The following CELSR1 variants were observed in gnomAD, a reference collection of about 807,000 sequenced individuals.
CELSR1 encodes the protein cadherin EGF LAG seven-pass G-type receptor 1.
In CELSR1, 110 loss-of-function variants were observed where a neutral mutation model predicts 249.1. The observed-to-expected ratio is 0.44, with a 90% CI of 0.38 to 0.52. The LOEUF is 0.52. Among genes scored for constraint, CELSR1 ranks in the 20% least tolerant of loss-of-function variants. The pLI is 0.00. For missense variants in CELSR1, 4,109 were observed against 4,296.4 expected, an observed-to-expected ratio of 0.96 and a Z score of 1.22; for synonymous variants, 2,113 against 1,900.0, an observed-to-expected ratio of 1.11 and a Z score of -2.92.
At chr22:46,475,515 G>A (rs1229349500) in intron 1 of CELSR1, among the ~76,000 whole-genome samples, 1 of 152,118 alleles carries the variant, frequency 6.6e-6, no homozygotes, top group Non-Finnish European at 1.5e-5. Context: ...TCTAGTTTGG[G>A]AAGATGAGGA....
rs917903391 is a variant in CELSR1 at position 46,413,700 on chromosome 22, A to G, written c.4612-1941T>C. Among the ~76,000 whole-genome samples the G allele has an allele frequency of 6.6e-6, 1 of 152,212 alleles. No individual in the cohort carries two copies. Among genetic ancestry groups the G allele is most frequent in the African/African-American group, 2.4e-5 (1 of 41,456 alleles). On this transcript the variant is annotated intron_variant, in intron 5 of 34. Transcript: ENST00000674500. This position sits in a 1 kb window ranked among gnomAD's most constrained non-coding sequence, Gnocchi z 4.7. ...CAAGGTCTGATAAGCTGTCTCCTTA[A>G]AGACTCCACTTTTGGTTAAGCAACA... is the stretch of plus-strand genomic sequence containing the variant.
rs148500684 is a variant in CELSR1, at chr22:46,454,363, G to A, written c.4183+9344C>T. ...ACAGGAGACTCGTGCAGGGGTGAGC[G>A]AGCGTGCCCAGCCCTGCTGTCACGG... On this transcript the variant is annotated intron_variant, in intron 2 of 34. Coordinates refer to ENST00000674500, the MANE Select transcript of CELSR1 (RefSeq NM_001378328.1). This position sits in a 1 kb window ranked among gnomAD's most constrained non-coding sequence, Gnocchi z 5.1. 6.6e-6 allele frequency among the ~76,000 whole-genome samples: 1 copy of A among 152,190 alleles called. No homozygotes were observed. Among genetic ancestry groups the A allele is most frequent in the Admixed American group, 6.5e-5 (1 of 15,282 alleles).
chr22:46,536,922 C>A lies in CELSR1; in HGVS notation c.249G>T (p.Gly83=). The A allele has an allele frequency of 8.5e-7, 1 of 1,175,646 alleles. No homozygotes were observed. Among genetic ancestry groups the A allele is most frequent in the Non-Finnish European group, 1.1e-6 (1 of 952,280 alleles). The allele number at this position is 1,175,646 out of a possible 1,614,324, so 72.8% of individuals were successfully genotyped here. A position where few individuals can be genotyped will look rare whatever the true frequency, so the allele number is the denominator to read the frequency against. ...LAGRRRVSGA[G]RPLPLQVRLV... Reference sequence around the variant, plus strand: ...AGCGGACTTGCAGCGGCAGCGGGCGCCCCGCGCCCGAGACGCGCCGACGTC... The same window carrying A: ...AGCGGACTTGCAGCGGCAGCGGGCGACCCGCGCCCGAGACGCGCCGACGTC... Residue 83 remains glycine, a synonymous_variant, in exon 1 of 35, where the codon GGG becomes GGT. Transcript: ENST00000674500.
At chr22:46,525,079 G>A (rs778232036) in intron 1 of CELSR1, among the ~76,000 whole-genome samples, 4 of 152,210 alleles carry the variant, frequency 2.6e-5, no homozygotes, top group African/African-American at 7.2e-5. Context: ...CTGGCCTCTG[G>A]ACCCTCATGG....
At chr22:46,367,151 G>A (rs1245987590) in intron 28 of CELSR1, 33 bp from the exon 29 acceptor site, 3 of 1,601,804 alleles carry the variant, frequency 1.9e-6, no homozygotes, top group Non-Finnish European at 2.6e-6. Flanking sequence ...AGCACCTGCT[G>A]CTGCCTCCCT....
chr22:46,424,693 C>A (rs1232875003), intron 5 of CELSR1, among the ~76,000 whole-genome samples: 1 of 152,174 alleles, frequency 6.6e-6, no homozygotes, highest in African/African-American at 2.4e-5. Context: ...GTCATAAATG[C>A]CAGGTGCAGT....
At chr22:46,387,518 A>G (rs28535154) in intron 18 of CELSR1, among the ~76,000 whole-genome samples, 18,303 of 151,256 alleles carry the variant, frequency 0.12, 1,819 homozygotes, top group African/African-American at 0.27. Flanking sequence ...CACCCCGCCC[A>G]GCTGATTTTT....
rs1602032135 is a variant in CELSR1 at position 46,371,742 on chromosome 22, C to T, written c.7759+1141G>A. ...ACCCACCCATCCATCCACTCACTCA[C>T]CTCTCCATCCGTCCATCCACCTATT... On this transcript the variant is annotated intron_variant, in intron 25 of 34. Coordinates refer to ENST00000674500, the MANE Select transcript of CELSR1 (RefSeq NM_001378328.1). Among the ~76,000 whole-genome samples the T allele has an allele frequency of 2.0e-5, 3 of 150,582 alleles. No homozygotes were observed. The South Asian group carries it at 6.4e-4, about 32-fold the overall frequency.
intron 25 of CELSR1, 108 bp downstream of exon 25, chr22:46,372,775 A>G: frequency 1.4e-6 from 2 of 1,380,182 alleles, no homozygotes; most frequent in Non-Finnish European, 2.0e-6. Flanking sequence ...TGGGGGCTGG[A>G]CAAGCATTGG....
rs1456775598 is a variant in CELSR1 at position 46,363,963 on chromosome 22, G to A, written c.9035+33C>T. ...CTGACTCAGGACAAGGGGGAAGTGG[G>A]TGATCCCCGCCCTGGAGGCCCAGGC... On this transcript the variant is annotated intron_variant, in intron 34 of 34. Transcript: ENST00000674500. This position sits in a 1 kb window ranked among gnomAD's most constrained non-coding sequence, Gnocchi z 4.3. 3 of 1,547,738 alleles carry A rather than the reference G, an allele frequency of 1.9e-6. No individual in the cohort carries two copies. The highest frequency in any genetic ancestry group is 2.6e-6 in the Non-Finnish European group (3 of 1,148,404).
In CELSR1 at chr22:46,393,051, TG is replaced by T. The variant is rs369367581; in HGVS notation, c.5964+1090del. Among the ~76,000 whole-genome samples the T allele has an allele frequency of 2.0e-5, 3 of 151,710 alleles. No individual in the cohort carries two copies. The highest frequency in any genetic ancestry group is 4.8e-5 in the African/African-American group (2 of 41,322). ...TTGCTGTTGGAACCACCGCAGGCAC[TG>T]GGGGGGGACACTACTGACATCACGA... On this transcript the variant is annotated intron_variant, in intron 14 of 34. Transcript: ENST00000674500. The surrounding 1 kb of genome is among the most constrained non-coding windows in gnomAD (Gnocchi z 4.1).
chr22:46,408,007 G>A lies in CELSR1; in HGVS notation c.5226+989C>T, dbSNP rs1170985491. On this transcript the variant is annotated intron_variant, in intron 9 of 34. Coordinates refer to ENST00000674500, the MANE Select transcript of CELSR1 (RefSeq NM_001378328.1). This position sits in a 1 kb window ranked among gnomAD's most constrained non-coding sequence, Gnocchi z 4.6. ...GGTCCCCATGGCTGCCTCATGCGGC[G>A]GAGGTTGTGGCAGAAGGGCAGCCCG... Among the ~76,000 whole-genome samples, 1 of 152,208 alleles carries A rather than the reference G, an allele frequency of 6.6e-6. No homozygotes were observed. Among genetic ancestry groups the A allele is most frequent in the Non-Finnish European group, 1.5e-5 (1 of 68,028 alleles).
At position 46,440,610 on chromosome 22, in the gene CELSR1, T is replaced by C. The variant is rs962717199; in HGVS notation, c.4184-1199A>G. 6.6e-6 allele frequency among the ~76,000 whole-genome samples: 1 copy of C among 152,200 alleles called. No individual in the cohort carries two copies. Among genetic ancestry groups the C allele is most frequent in the Non-Finnish European group, 1.5e-5 (1 of 68,044 alleles). On this transcript the variant is annotated intron_variant, in intron 2 of 34. Transcript: ENST00000674500. This position sits in a 1 kb window ranked among gnomAD's most constrained non-coding sequence, Gnocchi z 4.7. ...GCATCTTTTCCTGTTTTATTGACAA[T>C]TGACACTCTCTTTCCTAGAAGCTGC...
At chr22:46,455,386 C>CGCCCGCTGCACTTCA (rs2079936359) in intron 2 of CELSR1, among the ~76,000 whole-genome samples, 2 of 152,152 alleles carry the variant, frequency 1.3e-5, no homozygotes, top group Admixed American at 6.6e-5. Context: ...CCTGCCACCG[C>CGCCCGCTGCACTTCA]GCCTGGCTAA....
At position 46,447,613 on chromosome 22, in the gene CELSR1, C is replaced by T. The variant is rs1246629309; in HGVS notation, c.4184-8202G>A. ...CCCGTAGGAGGGACGCAGGGCTCAG[C>T]TTCCTGGCTATAGTACAGAAAAGCT... is the stretch of plus-strand genomic sequence containing the variant. On this transcript the variant is annotated intron_variant, in intron 2 of 34. Coordinates refer to ENST00000674500, the MANE Select transcript of CELSR1 (RefSeq NM_001378328.1). The surrounding 1 kb of genome is among the most constrained non-coding windows in gnomAD (Gnocchi z 4.7). Among the ~76,000 whole-genome samples the T allele has an allele frequency of 1.3e-5, 2 of 152,200 alleles. No homozygotes were observed. Among genetic ancestry groups the T allele is most frequent in the Non-Finnish European group, 2.9e-5 (2 of 68,036 alleles).
At chr22:46,495,018 A>G (rs1378858406) in intron 1 of CELSR1, among the ~76,000 whole-genome samples, 5 of 152,244 alleles carry the variant, frequency 3.3e-5, no homozygotes, top group East Asian at 3.8e-4. Flanking sequence ...AGATGACTTC[A>G]TCGTTGGGTG....
In CELSR1 at chr22:46,534,498, C is replaced by G; in HGVS notation, c.2673G>C (p.Gln891His). The G allele has an allele frequency of 6.2e-7, 1 of 1,613,362 alleles. No homozygotes were observed. Among genetic ancestry groups the G allele is most frequent in the South Asian group, 1.1e-5 (1 of 91,080 alleles). The part of the protein sequence containing the change: ...LILDANDNAP[Q>H]FLWDFYQGSI... The stretch of plus-strand genomic sequence containing the variant: ...AACCCTGGTAGAAATCCCACAGGAA[C>G]TGGGGTGCATTGTCATTGGCATCGA... The change falls in exon 1 of 35, where the codon CAG (glutamine) becomes CAC (histidine). Residue 891 changes from glutamine to histidine, a missense_variant. Around this residue, in one of 7 missense-constraint regions of CELSR1, gnomAD observed 886 missense variants for 896.5 expected, o/e 0.99. Coordinates refer to ENST00000674500, the MANE Select transcript of CELSR1 (RefSeq NM_001378328.1). The surrounding 1 kb of genome is among the most constrained non-coding windows in gnomAD (Gnocchi z 9.7).
rs60967722 is a variant in CELSR1, at chr22:46,372,352, C to T, written c.7759+531G>A. Among the ~76,000 whole-genome samples the T allele has an allele frequency of 2.5e-3, 353 of 140,984 alleles. 6 individuals carry two copies. The highest frequency in any genetic ancestry group is 8.9e-3 in the African/African-American group (327 of 36,906). The allele number at this position is 140,984 out of a possible 152,430, so 92.5% of individuals were successfully genotyped here. On this transcript the variant is annotated intron_variant, in intron 25 of 34. Coordinates refer to ENST00000674500, the MANE Select transcript of CELSR1 (RefSeq NM_001378328.1). Reference sequence around the variant, plus strand: ...CTCACCCCATCTATCCATCCACTCGCTCCCCACCCATCCATCCATCCACTC... The same window carrying T: ...CTCACCCCATCTATCCATCCACTCGTTCCCCACCCATCCATCCATCCACTC...
rs923477879 is a variant in CELSR1, at chr22:46,428,952, C to T, written c.4611+4441G>A. Among the ~76,000 whole-genome samples the T allele has an allele frequency of 2.0e-5, 3 of 152,148 alleles. No individual in the cohort carries two copies. The highest frequency in any genetic ancestry group is 7.2e-5 in the African/African-American group (3 of 41,432). On this transcript the variant is annotated intron_variant, in intron 5 of 34. Coordinates refer to ENST00000674500, the MANE Select transcript of CELSR1 (RefSeq NM_001378328.1). This position sits in a 1 kb window ranked among gnomAD's most constrained non-coding sequence, Gnocchi z 5.7. ...AGAAGATGCCCAGGTCAGGTGGACA[C>T]GAGCCACCCTTGCTTCCCCAGGGCC... is the stretch of plus-strand genomic sequence containing the variant.
Sources: allele counts gnomAD v4.1 joint callset (sites outside exome capture counted in the v4.1 genomes callset), GRCh38; gene constraint gnomAD v4.1.1; regional missense constraint gnomAD v4.1.1; non-coding constraint Gnocchi (gnomAD v3.1); transcripts MANE v1.5; gene names NCBI Gene and HGNC (gene_info 2026-07-23, HGNC 2026-07-21).